PLCG2: variants seen among roughly 807,000 people sequenced by gnomAD.
The protein encoded by PLCG2 is 1-phosphatidylinositol 4,5-bisphosphate phosphodiesterase gamma-2.
Under a neutral mutation model 175.6 loss-of-function variants are expected in PLCG2, and 69 were observed. The observed-to-expected ratio is 0.39, with a 90% CI of 0.32 to 0.48. PLCG2 has a LOEUF of 0.48. PLCG2 is among the 20% of genes least tolerant of loss of function. PLCG2 has a pLI of 0.91. For missense variants in PLCG2, 1,798 were observed against 1,650.9 expected, an observed-to-expected ratio of 1.09 and a Z score of -1.54; for synonymous variants, 827 against 624.0, an observed-to-expected ratio of 1.33 and a Z score of -4.85.
At chr16:81,956,024 C>G (rs1483880149) in intron 31 of PLCG2, among the ~76,000 whole-genome samples, 1 of 152,102 alleles carries the variant, frequency 6.6e-6, no homozygotes, top group African/African-American at 2.4e-5. Flanking sequence ...TTTCCAACAC[C>G]CAAAAAGAAA....
intron 2 of PLCG2, among the ~76,000 whole-genome samples, chr16:81,756,756 C>T (rs1909937405): frequency 6.6e-6 from 1 of 152,172 alleles, no homozygotes; most frequent in Non-Finnish European, 1.5e-5. Flanking sequence ...GTGAGTTGCC[C>T]AAACAACAAA....
rs1317660098 is a variant in PLCG2, at chr16:81,789,704, GT to G, written c.193+3523del. The stretch of plus-strand genomic sequence containing the variant: ...TGGCTGGGGCGTATTATTATAATAA[GT>G]CCCCCGGATGGTCTGGTAACTAGGC... On this transcript the variant is annotated intron_variant, in intron 2 of 32. Transcript: ENST00000564138. 1.1e-4 allele frequency among the ~76,000 whole-genome samples: 16 copies of G among 152,250 alleles called. No homozygotes were observed. In the South Asian group the frequency reaches 2.5e-3, roughly 24 times the overall value.
chr16:81,889,921 C>T (rs968594824), intron 10 of PLCG2, among the ~76,000 whole-genome samples: 11 of 152,070 alleles, frequency 7.2e-5, no homozygotes, highest in African/African-American at 2.4e-4. Flanking sequence ...TCCCAAAGTA[C>T]TGGGATTATA....
rs371668993 is a variant in PLCG2 at position 81,956,675 on chromosome 16, C to A, written c.3571-20C>A. ...AAGGTGTAGTCACCACATGGTTGTT[C>A]TCTCCCCTGCATCCTCCAGGAGAGC... is the stretch of plus-strand genomic sequence containing the variant. On this transcript the variant is annotated intron_variant, in intron 31 of 32. Transcript: ENST00000564138. The A allele has an allele frequency of 6.2e-7, 1 of 1,608,194 alleles. No individual in the cohort carries two copies. The highest frequency in any genetic ancestry group is 2.2e-5 in the East Asian group (1 of 44,784).
At chr16:81,928,697 A>T (rs1205177745) in intron 24 of PLCG2, 73 bp downstream of exon 24, 3 of 983,320 alleles carry the variant, frequency 3.1e-6, no homozygotes, top group Non-Finnish European at 4.9e-6. Context: ...CCCGCCCTAC[A>T]CAGGGAGGTG....
At chr16:81,945,995 G>A (rs1024095531) in intron 30 of PLCG2, among the ~76,000 whole-genome samples, 180 bp from the exon 31 acceptor site, 2 of 152,014 alleles carry the variant, frequency 1.3e-5, no homozygotes, top group East Asian at 1.9e-4. Flanking sequence ...CATGGCTGCC[G>A]GCCTCTGTCC....
Position 81,900,797 on chromosome 16 carries a change from C to G in PLCG2, c.1362+17C>G. On this transcript the variant is annotated intron_variant, in intron 14 of 32. Transcript: ENST00000564138. Reference sequence around the variant, plus strand: ...ATCATCAAGGTAGGCACCCCGGGTGCTGCTGTTGGCTGTCCAGGGAGCCCA... The same window carrying G: ...ATCATCAAGGTAGGCACCCCGGGTGGTGCTGTTGGCTGTCCAGGGAGCCCA... 1 of 1,586,742 alleles carries G rather than the reference C, an allele frequency of 6.3e-7. No homozygotes were observed. The highest frequency in any genetic ancestry group is 8.6e-7 in the Non-Finnish European group (1 of 1,158,360).
chr16:81,962,054 T>C lies in PLCG2; in HGVS notation c.*4056T>C, dbSNP rs374603262. 4 of 189,180 alleles carry C rather than the reference T, an allele frequency of 2.1e-5. No homozygotes were observed. The highest frequency in any genetic ancestry group is 9.4e-5 in the African/African-American group (4 of 42,756). 11.7% of individuals were successfully genotyped at this position (189,180 alleles called of 1,614,324 possible). A position where few individuals can be genotyped will look rare whatever the true frequency, so the allele number is the denominator to read the frequency against. ...GCTCCATGTGCGTCCCTCCCGAAGC[T>C]GCGCGCTCCGTCGAAGAGGACGACC... On this transcript the variant is annotated 3_prime_UTR_variant, in exon 33 of 33. Coordinates refer to ENST00000564138, the MANE Select transcript of PLCG2 (RefSeq NM_002661.5).
chr16:81,925,377 G>T (rs949898769), intron 22 of PLCG2, among the ~76,000 whole-genome samples: 1 of 152,176 alleles, frequency 6.6e-6, no homozygotes, highest in Non-Finnish European at 1.5e-5. Context: ...AAAGTGCTCA[G>T]TCCTGGACAG....
chr16:81,780,612 C>T (rs111491648), intron 1 of PLCG2, among the ~76,000 whole-genome samples: 3 of 152,276 alleles, frequency 2.0e-5, no homozygotes, highest in African/African-American at 4.8e-5. Context: ...AGCTGCCTTC[C>T]CCCACCAGCG....
rs1444631265 is a variant in PLCG2, at chr16:81,895,613, A to G, written c.1073-194A>G. 1.4e-5 allele frequency: 8 copies of G among 567,154 alleles called. No individual in the cohort carries two copies. The Admixed American group carries it at 1.6e-4, about 11-fold the overall frequency. 35.1% of individuals were successfully genotyped at this position (567,154 alleles called of 1,614,324 possible). A position where few individuals can be genotyped will look rare whatever the true frequency, so the allele number is the denominator to read the frequency against. On this transcript the variant is annotated intron_variant, in intron 12 of 32. Transcript: ENST00000564138. ...GCATTGAAACTAGCTTGTCTTGGAC[A>G]GCTGCACTTGCATTATGTAAGCGCA... is the stretch of plus-strand genomic sequence containing the variant.
chr16:81,957,805 A>C, intron 32 of PLCG2, 151 bp from the exon 33 acceptor site: 1 of 657,456 alleles, frequency 1.5e-6, no homozygotes, highest in Non-Finnish European at 2.8e-6. Flanking sequence ...ACGTCTTACC[A>C]GGAACTTGGA....
intron 2 of PLCG2, among the ~76,000 whole-genome samples, chr16:81,792,602 G>A (rs1354936461): frequency 6.6e-6 from 1 of 151,954 alleles, no homozygotes; most frequent in Non-Finnish European, 1.5e-5. Context: ...CAATATGGCT[G>A]GGGAGGCCTC....
chr16:81,912,143 G>C (rs1172533031), intron 18 of PLCG2, among the ~76,000 whole-genome samples: 1 of 151,794 alleles, frequency 6.6e-6, no homozygotes, highest in Non-Finnish European at 1.5e-5. Flanking sequence ...ATGTTGGTCA[G>C]GCTGGTCTTG....
chr16:81,839,984 G>A (rs1292882446), intron 2 of PLCG2, among the ~76,000 whole-genome samples: 3 of 152,208 alleles, frequency 2.0e-5, no homozygotes, highest in East Asian at 1.9e-4. Context: ...TTGAGCCTAC[G>A]AGTTCAAGGA....
At chr16:81,758,692 TCC>T (rs1909978665) in intron 2 of PLCG2, among the ~76,000 whole-genome samples, 1 of 139,894 alleles carries the variant, frequency 7.1e-6, no homozygotes, top group African/African-American at 2.5e-5. Context: ...TTTTTTTTTT[TCC>T]TGAGACAGAG....
chr16:81,801,165 T>A (rs1911701868), intron 2 of PLCG2, among the ~76,000 whole-genome samples: 1 of 152,224 alleles, frequency 6.6e-6, no homozygotes, highest in African/African-American at 2.4e-5. Context: ...AGCGTAGCGA[T>A]TGAGAATAAA....
At chr16:81,798,005 A>G (rs1417616665) in intron 2 of PLCG2, among the ~76,000 whole-genome samples, 4 of 151,814 alleles carry the variant, frequency 2.6e-5, no homozygotes, top group Non-Finnish European at 5.9e-5. Context: ...TAATTTTTGT[A>G]TTTTTAGTAG....
chr16:81,807,885 C>G (rs1251520283), intron 2 of PLCG2, among the ~76,000 whole-genome samples: 2 of 152,086 alleles, frequency 1.3e-5, no homozygotes, highest in African/African-American at 2.4e-5. Flanking sequence ...ACAGCCAGAT[C>G]TCTCAAGAAC....
Sources: allele counts gnomAD v4.1 joint callset (sites outside exome capture counted in the v4.1 genomes callset), GRCh38; gene constraint gnomAD v4.1.1; transcripts MANE v1.5; gene names NCBI Gene and HGNC (gene_info 2026-07-23, HGNC 2026-07-21).